The following DLEU7 variants were observed in gnomAD, a reference collection of about 807,000 sequenced individuals.
DLEU7 encodes the protein deleted in lymphocytic leukemia 7.
In DLEU7, 17 loss-of-function variants were observed where a neutral mutation model predicts 16.0. That is an observed-to-expected ratio of 1.06 (90% CI 0.73 to 1.59). DLEU7 has a LOEUF of 1.59. DLEU7 is among the 40% of genes most tolerant of loss of function. The pLI, the probability that DLEU7 is intolerant of heterozygous loss-of-function variation, is 0.00. For missense variants in DLEU7, 308 were observed against 314.9 expected, an observed-to-expected ratio of 0.98 and a Z score of 0.17; for synonymous variants, 113 against 139.8, an observed-to-expected ratio of 0.81 and a Z score of 1.35.
At chr13:50,768,786 TTGGGTATATACCCAGTAA>T (rs1238101289) in intron 1 of DLEU7, among the ~76,000 whole-genome samples, 1 of 152,224 alleles carries the variant, frequency 6.6e-6, no homozygotes, top group Non-Finnish European at 1.5e-5. Context: ...TTATAATCCT[TTGGGTATATACCCAGTAA>T]TGGGATGGCT....
chr13:50,841,061 C>T (rs550003449), intron 1 of DLEU7, among the ~76,000 whole-genome samples: 21 of 152,278 alleles, frequency 1.4e-4, no homozygotes, highest in Admixed American at 2.0e-4. Flanking sequence ...GCAGAGGACA[C>T]GGGGTTTAGT....
intron 1 of DLEU7, among the ~76,000 whole-genome samples, chr13:50,764,813 A>G (rs1375541314): frequency 6.6e-6 from 1 of 152,188 alleles, no homozygotes; most frequent in Non-Finnish European, 1.5e-5. Context: ...TAGAGTGTTC[A>G]CTAATTAAGA....
rs1367187608 is a variant in DLEU7, at chr13:50,843,250, T to TG, written c.396dup (p.Ser133GlnfsTer23). On this transcript the variant is annotated frameshift_variant, in exon 1 of 2. Coordinates refer to ENST00000504404, the MANE Select transcript of DLEU7 (RefSeq NM_001306135.2). LOFTEE classifies it high-confidence loss of function. This position sits in a 1 kb window ranked among gnomAD's most constrained non-coding sequence, Gnocchi z 5.7. ...GGCCCCAGCAGCGTCTGCTCCACGCTGACCAGCTCCGAAGTCGAGTCCACC... is the reference window on the plus strand; with the variant it reads ...GGCCCCAGCAGCGTCTGCTCCACGCTGGACCAGCTCCGAAGTCGAGTCCACC... 1.9e-6 allele frequency: 3 copies of TG among 1,594,428 alleles called. No homozygotes were observed.
At chr13:50,722,046 G>C (rs1226768606) in intron 1 of DLEU7, among the ~76,000 whole-genome samples, 1 of 152,158 alleles carries the variant, frequency 6.6e-6, no homozygotes, top group Non-Finnish European at 1.5e-5. Context: ...AGAGCAAGTA[G>C]AGAAGAGCAT....
intron 1 of DLEU7, among the ~76,000 whole-genome samples, chr13:50,760,674 A>T (rs1874901837): frequency 6.6e-6 from 1 of 152,218 alleles, no homozygotes. Flanking sequence ...ATTTTCTAAT[A>T]GTAAAACTTC....
At chr13:50,792,763 T>C (rs1875997558) in intron 1 of DLEU7, among the ~76,000 whole-genome samples, 1 of 151,600 alleles carries the variant, frequency 6.6e-6, no homozygotes, top group African/African-American at 2.4e-5. Context: ...AGGCCTCCCT[T>C]ACCCAATCAA....
At chr13:50,782,862 A>G (rs1875695608) in intron 1 of DLEU7, among the ~76,000 whole-genome samples, 2 of 151,882 alleles carry the variant, frequency 1.3e-5, no homozygotes, top group South Asian at 2.1e-4. Context: ...TAATTACTGA[A>G]TGTAGCAGAT....
At chr13:50,714,558 C>G (rs1873385564) in intron 1 of DLEU7, among the ~76,000 whole-genome samples, 1 of 152,212 alleles carries the variant, frequency 6.6e-6, no homozygotes, top group Non-Finnish European at 1.5e-5. Context: ...GAGATGTCAT[C>G]TGCTAAGGAG....
chr13:50,731,324 CA>C (rs1478544711), intron 1 of DLEU7, among the ~76,000 whole-genome samples: 3 of 152,090 alleles, frequency 2.0e-5, no homozygotes, highest in Non-Finnish European at 2.9e-5. Flanking sequence ...TTCAAAATGC[CA>C]AAAACCTGGA....
In DLEU7 at chr13:50,836,697, A is replaced by T. The variant is rs1040512120; in HGVS notation, c.459+6491T>A. On this transcript the variant is annotated intron_variant, in intron 1 of 1. Coordinates refer to ENST00000504404, the MANE Select transcript of DLEU7 (RefSeq NM_001306135.2). ...TCAAAAGAAAAAAAAAAGGAAAGAAAAAAAGAAAGAGAGAAAGGAAGGAGG... is the reference window on the plus strand; with the variant it reads ...TCAAAAGAAAAAAAAAAGGAAAGAATAAAAGAAAGAGAGAAAGGAAGGAGG... Among the ~76,000 whole-genome samples the T allele has an allele frequency of 5.3e-5, 8 of 152,056 alleles. No individual in the cohort carries two copies. The South Asian group carries it at 1.7e-3, about 32-fold the overall frequency.
At chr13:50,768,212 G>A (rs1031544577) in intron 1 of DLEU7, among the ~76,000 whole-genome samples, 9 of 151,986 alleles carry the variant, frequency 5.9e-5, no homozygotes, top group African/African-American at 2.2e-4. Flanking sequence ...ATGTGTGTGT[G>A]TACGTACACA....
intron 1 of DLEU7, among the ~76,000 whole-genome samples, chr13:50,824,997 T>C (rs1877036563): frequency 6.6e-6 from 1 of 152,206 alleles, no homozygotes; most frequent in Admixed American, 6.5e-5. Context: ...GGACCAGTTT[T>C]GCAGAAGACA....
intron 1 of DLEU7, among the ~76,000 whole-genome samples, chr13:50,735,013 C>T (rs1874023580): frequency 6.6e-6 from 1 of 152,028 alleles, no homozygotes; most frequent in African/African-American, 2.4e-5. Context: ...ATATTAACAT[C>T]AGGCGAAGTA....
chr13:50,824,924 G>A (rs1877033614), intron 1 of DLEU7, among the ~76,000 whole-genome samples: 1 of 152,110 alleles, frequency 6.6e-6, no homozygotes, highest in Non-Finnish European at 1.5e-5. Flanking sequence ...TAAACTCTAA[G>A]AATTTAAAAT....
At chr13:50,713,213 T>C (rs1167220280) in exon 2 of DLEU7, 1 of 1,611,086 alleles carries the variant, frequency 6.2e-7, no homozygotes, top group Non-Finnish European at 8.5e-7. Flanking sequence ...TACAGTGACC[T>C]TCTTCACTCA....
chr13:50,718,411 G>T (rs1444066691), intron 1 of DLEU7, among the ~76,000 whole-genome samples: 1 of 152,206 alleles, frequency 6.6e-6, no homozygotes, highest in Non-Finnish European at 1.5e-5. Flanking sequence ...GCAATTGATT[G>T]AACGTGAAGT....
chr13:50,839,206 A>G (rs1218327619), intron 1 of DLEU7, among the ~76,000 whole-genome samples: 2 of 152,256 alleles, frequency 1.3e-5, no homozygotes, highest in African/African-American at 4.8e-5. Context: ...AATAAGTTAG[A>G]TAAAACCCAT....
At chr13:50,808,847 A>C (rs1027597217) in intron 1 of DLEU7, 3 of 151,802 alleles carry the variant, frequency 2.0e-5, no homozygotes, top group African/African-American at 7.3e-5. Context: ...CTGTAAAATC[A>C]TGAGTTTAGA....
chr13:50,769,253 T>C (rs960246384), intron 1 of DLEU7, among the ~76,000 whole-genome samples: 2 of 152,206 alleles, frequency 1.3e-5, no homozygotes, highest in East Asian at 3.8e-4. Flanking sequence ...TTCACTCTGA[T>C]GGTAGTTTCT....
Sources: allele counts gnomAD v4.1 joint callset (sites outside exome capture counted in the v4.1 genomes callset), GRCh38; gene constraint gnomAD v4.1.1; non-coding constraint Gnocchi (gnomAD v3.1); transcripts MANE v1.5; gene names NCBI Gene and HGNC (gene_info 2026-07-23, HGNC 2026-07-21).